The following ST6GAL1 variants were observed in gnomAD, a reference collection of about 807,000 sequenced individuals.
ST6GAL1 encodes ST6 beta-galactoside alpha-2,6-sialyltransferase 1.
ST6GAL1 carries 20 observed loss-of-function variants against 38.0 expected under a neutral mutation model. That is an observed-to-expected ratio of 0.53 (90% confidence interval 0.37 to 0.77). The LOEUF is 0.77. ST6GAL1 is among the 30% of genes least tolerant of loss of function. The pLI, the probability that ST6GAL1 is intolerant of heterozygous loss-of-function variation, is 0.00. For synonymous variants in ST6GAL1, 196 were observed against 188.2 expected (o/e 1.04, Z -0.34); for missense variants, 432 against 496.4 (o/e 0.87, Z 1.23).
intron 2 of ST6GAL1, among the ~76,000 whole-genome samples, chr3:187,024,463 C>CAT: frequency 7.7e-6 from 1 of 130,260 alleles, no homozygotes; most frequent in South Asian, 2.5e-4. Flanking sequence ...CATATATACA[C>CAT]ATATATATGT....
At chr3:187,050,507 AT>A (rs2108586224) in intron 4 of ST6GAL1, among the ~76,000 whole-genome samples, 1 of 144,892 alleles carries the variant, frequency 6.9e-6, no homozygotes, top group South Asian at 2.4e-4. Flanking sequence ...GATTTAGTAC[AT>A]TGTTTCTGAC....
At chr3:186,984,139 TTCTC>T (rs141781297) in intron 2 of ST6GAL1, among the ~76,000 whole-genome samples, 9,483 of 152,098 alleles carry the variant, frequency 0.062, 375 homozygotes, top group East Asian at 0.18. Flanking sequence ...TCCTTGACTC[TTCTC>T]TCTCTCACAC....
At chr3:187,054,569 G>T (rs1351732732) in intron 5 of ST6GAL1, among the ~76,000 whole-genome samples, 1 of 152,108 alleles carries the variant, frequency 6.6e-6, no homozygotes, top group Admixed American at 6.5e-5. Flanking sequence ...TGTGGTTTTT[G>T]TCATTGTTCT....
At chr3:187,026,705 C>A (rs1184349843) in intron 2 of ST6GAL1, among the ~76,000 whole-genome samples, 1 of 152,122 alleles carries the variant, frequency 6.6e-6, no homozygotes, top group Non-Finnish European at 1.5e-5. Context: ...GGTGAAGAAC[C>A]AAATTTTTTT....
chr3:186,967,873 G>A (rs1715202403), intron 2 of ST6GAL1, among the ~76,000 whole-genome samples: 1 of 152,262 alleles, frequency 6.6e-6, no homozygotes, highest in Admixed American at 6.5e-5. Flanking sequence ...TGGCAGTAGA[G>A]GCCAGGGTGT....
At chr3:187,006,525 G>A (rs1396542437) in intron 2 of ST6GAL1, 1 of 152,162 alleles carries the variant, frequency 6.6e-6, no homozygotes, top group Non-Finnish European at 1.5e-5. Context: ...GAGATTCATA[G>A]TAATCACCTA....
rs1225528239 is a variant in ST6GAL1 at position 187,077,640 on chromosome 3, C to T, written c.*1837C>T. On this transcript the variant is annotated 3_prime_UTR_variant, in exon 8 of 8. Transcript: ENST00000169298. Reference sequence around the variant, plus strand: ...TAAAGTGGGGATGATGATCCTATCTCACTGCTTTTGTGAGGATTACAGGAA... The same window carrying T: ...TAAAGTGGGGATGATGATCCTATCTTACTGCTTTTGTGAGGATTACAGGAA... The T allele has an allele frequency of 6.6e-6, 1 of 152,304 alleles. No individual in the cohort carries two copies. The highest frequency in any genetic ancestry group is 2.4e-5 in the African/African-American group (1 of 41,460). 9.4% of individuals were successfully genotyped at this position (152,304 alleles called of 1,614,324 possible). A position where few individuals can be genotyped will look rare whatever the true frequency, so the allele number is the denominator to read the frequency against.
intron 1 of ST6GAL1, among the ~76,000 whole-genome samples, chr3:186,951,058 AC>A (rs200410287): frequency 0.037 from 5,553 of 152,038 alleles, 146 homozygotes; most frequent in East Asian, 0.068. Context: ...GAATGGTCCC[AC>A]TCTAATTCTT....
intron 1 of ST6GAL1, among the ~76,000 whole-genome samples, chr3:186,962,932 A>T (rs1180112450): frequency 6.6e-6 from 1 of 152,216 alleles, no homozygotes; most frequent in African/African-American, 2.4e-5. Context: ...TTACTAAACC[A>T]TGCCTAGCTT....
At chr3:187,019,996 G>T (rs539998492) in intron 2 of ST6GAL1, among the ~76,000 whole-genome samples, 5 of 152,182 alleles carry the variant, frequency 3.3e-5, no homozygotes, top group Non-Finnish European at 5.9e-5. Flanking sequence ...CTACCAGTTT[G>T]TTGGTTAGAA....
chr3:186,969,711 G>A (rs1579281481), intron 2 of ST6GAL1, among the ~76,000 whole-genome samples: 1 of 152,286 alleles, frequency 6.6e-6, no homozygotes, highest in East Asian at 1.9e-4. Context: ...AGGAAGAGCG[G>A]TGATCTCAGG....
intron 2 of ST6GAL1, among the ~76,000 whole-genome samples, chr3:187,031,925 T>C (rs1207511705): frequency 6.6e-6 from 1 of 152,218 alleles, no homozygotes; most frequent in African/African-American, 2.4e-5. Flanking sequence ...CCAAAGCTTG[T>C]ATTGTTCATC....
chr3:187,056,648 G>T lies in ST6GAL1; in HGVS notation c.705+5302G>T, dbSNP rs951805892. 2.6e-5 allele frequency among the ~76,000 whole-genome samples: 4 copies of T among 152,176 alleles called. No homozygotes were observed. In the East Asian group the frequency reaches 7.7e-4, roughly 29 times the overall value. ...CTTGGCCCCTACTCTCTTCTGGCTT[G>T]TAGAGTTTCTGCTGAGAGATCTGCT... On this transcript the variant is annotated intron_variant, in intron 5 of 7. Transcript: ENST00000169298.
At chr3:186,974,663 T>C (rs1036638352) in intron 2 of ST6GAL1, among the ~76,000 whole-genome samples, 2 of 147,096 alleles carry the variant, frequency 1.4e-5, no homozygotes, top group African/African-American at 4.9e-5. Context: ...AGTTCTGTGC[T>C]CCCAGCAGGA....
intron 2 of ST6GAL1, among the ~76,000 whole-genome samples, chr3:187,037,175 T>C (rs1374160749): frequency 1.3e-5 from 2 of 152,238 alleles, no homozygotes; most frequent in Non-Finnish European, 2.9e-5. Context: ...TTAATTTATA[T>C]GATCCTTTGA....
rs145927518 is a variant in ST6GAL1 at position 186,990,218 on chromosome 3, G to A, written c.-183+26292G>A. 2.1e-3 allele frequency among the ~76,000 whole-genome samples: 324 copies of A among 152,270 alleles called. 2 individuals carry two copies. The highest frequency in any genetic ancestry group is 7.5e-3 in the African/African-American group (312 of 41,552). ...CTGGCTAATTTTTGTATTTTCAGTA[G>A]AGACAGGGTTTCACCATATTGGCCA... is the stretch of plus-strand genomic sequence containing the variant. On this transcript the variant is annotated intron_variant, in intron 2 of 7. Coordinates refer to ENST00000169298, the MANE Select transcript of ST6GAL1 (RefSeq NM_173216.2).
At chr3:187,069,174 C>T (rs954519043) in intron 5 of ST6GAL1, among the ~76,000 whole-genome samples, 39 of 150,774 alleles carry the variant, frequency 2.6e-4, no homozygotes, top group Admixed American at 6.6e-4. Flanking sequence ...CTCGCTCTGT[C>T]GCCAGGCTAG....
At chr3:187,035,461 A>G (rs1717898086) in intron 2 of ST6GAL1, among the ~76,000 whole-genome samples, 1 of 152,230 alleles carries the variant, frequency 6.6e-6, no homozygotes, top group South Asian at 2.1e-4. Flanking sequence ...TCCTAAGCAA[A>G]AAGAACAAAC....
At chr3:186,989,241 GAGA>G (rs1286546060) in intron 2 of ST6GAL1, among the ~76,000 whole-genome samples, 1 of 152,126 alleles carries the variant, frequency 6.6e-6, no homozygotes, top group East Asian at 1.9e-4. Context: ...GCTTGAAAAA[GAGA>G]AGGTTTAGAA....
Sources: allele counts gnomAD v4.1 joint callset (sites outside exome capture counted in the v4.1 genomes callset), GRCh38; gene constraint gnomAD v4.1.1; transcripts MANE v1.5; gene names NCBI Gene and HGNC (gene_info 2026-07-23, HGNC 2026-07-21).